PUDP: variants seen among roughly 807,000 people sequenced by gnomAD.
PUDP encodes pseudouridine-5'-phosphatase.
In PUDP, 8 loss-of-function variants were observed where a neutral mutation model predicts 9.4. The observed-to-expected ratio is 0.85, with a 90% CI of 0.50 to 1.53. The LOEUF (loss-of-function observed/expected upper bound fraction) is 1.53, where lower values mean the gene tolerates loss of function less well. Ranked by LOEUF, PUDP falls within the 40% of genes most tolerant of loss-of-function variation. PUDP has a pLI of 0.00. For missense variants in PUDP, 188 were observed against 189.7 expected (o/e 0.99, Z 0.05); for synonymous variants, 99 against 80.7 (o/e 1.23, Z -1.22).
chrX:6,915,207 A>G (rs1325639844), intron 3 of PUDP, among the ~76,000 whole-genome samples: 2 of 112,241 alleles, frequency 1.8e-5, no homozygotes, highest in African/African-American at 3.2e-5. Flanking sequence ...AACTGCCTTT[A>G]TGTGTTTCAC....
intron 3 of PUDP, among the ~76,000 whole-genome samples, chrX:6,822,044 C>T (rs1197360634): frequency 9.0e-6 from 1 of 111,697 alleles, no homozygotes; most frequent in Non-Finnish European, 1.9e-5. Flanking sequence ...CATTTCACCA[C>T]GGAACTGGCA....
intron 3 of PUDP, among the ~76,000 whole-genome samples, chrX:6,905,916 A>G (rs1927759889): frequency 8.9e-6 from 1 of 112,235 alleles, no homozygotes; most frequent in Non-Finnish European, 1.9e-5. Flanking sequence ...ATAATTTGAA[A>G]CAATTTTCAC....
intron 1 of PUDP, among the ~76,000 whole-genome samples, chrX:7,142,115 G>A (rs898757739): frequency 8.9e-6 from 1 of 112,139 alleles, no homozygotes; most frequent in Admixed American, 9.5e-5. Flanking sequence ...GGATTGAGGA[G>A]TAACTTCAAC....
chrX:7,138,582 G>A (rs756947524), intron 1 of PUDP, among the ~76,000 whole-genome samples: 2 of 110,881 alleles, frequency 1.8e-5, no homozygotes, highest in Admixed American at 9.6e-5. Flanking sequence ...CATGTTGGCC[G>A]GGGTGGTCTC....
chrX:7,094,808 G>A lies in PUDP; in HGVS notation c.280+10812C>T, dbSNP rs772547230. ...TTGTTAAACGGAAAAGGAACACAGC[G>A]TAAGTTGAATGTGTTACCATGACTG... is the stretch of plus-strand genomic sequence containing the variant. On this transcript the variant is annotated intron_variant, in intron 2 of 3. Coordinates refer to ENST00000381077, the MANE Select transcript of PUDP (RefSeq NM_012080.5). Among the ~76,000 whole-genome samples, 13 of 112,255 alleles carry A rather than the reference G, an allele frequency of 1.2e-4. No individual in the cohort carries two copies. In the South Asian group the frequency reaches 1.5e-3, roughly 13 times the overall value.
chrX:7,130,574 G>C (rs1284060629), intron 1 of PUDP, among the ~76,000 whole-genome samples: 4 of 111,358 alleles, frequency 3.6e-5, no homozygotes, highest in Non-Finnish European at 5.6e-5. Context: ...AGCACTTTAG[G>C]AGGCCGAGGC....
chrX:6,914,775 A>C (rs1486420394), intron 3 of PUDP, among the ~76,000 whole-genome samples: 2 of 112,616 alleles, frequency 1.8e-5, no homozygotes, highest in Non-Finnish European at 3.7e-5. Flanking sequence ...TATGGTACCG[A>C]AAGAATCAAC....
intron 1 of PUDP, among the ~76,000 whole-genome samples, chrX:7,010,342 A>G: frequency 9.0e-6 from 1 of 111,409 alleles, no homozygotes; most frequent in Non-Finnish European, 1.9e-5. Flanking sequence ...ACTCTCTACC[A>G]TCTTGGCCAC....
chrX:6,900,328 G>A (rs763853764), intron 3 of PUDP, among the ~76,000 whole-genome samples: 1 of 63,126 alleles, frequency 1.6e-5, no homozygotes, highest in Non-Finnish European at 3.7e-5. Flanking sequence ...TCACCACTTG[G>A]GGGGGGGGGC....
At chrX:6,715,899 C>T (rs1308341474) in intron 1 of PUDP, among the ~76,000 whole-genome samples, 1 of 111,302 alleles carries the variant, frequency 9.0e-6, no homozygotes, top group Non-Finnish European at 1.9e-5. Context: ...AGAAGCCAGG[C>T]TGAGCTGCCA....
chrX:7,099,541 C>T (rs1931667500), intron 2 of PUDP, among the ~76,000 whole-genome samples: 1 of 112,386 alleles, frequency 8.9e-6, no homozygotes, highest in South Asian at 3.7e-4. Context: ...CCACTGAGGA[C>T]ATCGTAGGCC....
At chrX:6,881,975 T>TTA (rs752281670) in intron 3 of PUDP, among the ~76,000 whole-genome samples, 1 of 104,485 alleles carries the variant, frequency 9.6e-6, no homozygotes, top group African/African-American at 3.5e-5. Flanking sequence ...TTTTTTTTTT[T>TTA]ACTTTTTTTT....
chrX:6,781,185 TCA>T (rs751439227), intron 3 of PUDP, among the ~76,000 whole-genome samples: 3 of 111,196 alleles, frequency 2.7e-5, no homozygotes, highest in East Asian at 5.7e-4. Context: ...GCAACAGCAA[TCA>T]CATATCACAC....
At chrX:7,034,287 T>C (rs1210423125) in intron 1 of PUDP, among the ~76,000 whole-genome samples, 2 of 111,759 alleles carry the variant, frequency 1.8e-5, no homozygotes, top group Non-Finnish European at 3.8e-5. Flanking sequence ...TAACTTGAAG[T>C]TGAACCATCC....
intron 1 of PUDP, among the ~76,000 whole-genome samples, chrX:7,118,201 T>C (rs897523815): frequency 2.7e-5 from 3 of 112,291 alleles, no homozygotes; most frequent in Non-Finnish European, 5.6e-5. Flanking sequence ...AATTCATGTA[T>C]ATATTTTCTT....
At chrX:6,737,137 G>A (rs911105748) in intron 3 of PUDP, among the ~76,000 whole-genome samples, 1 of 110,938 alleles carries the variant, frequency 9.0e-6, no homozygotes, top group East Asian at 2.9e-4. Flanking sequence ...TTAGATTCAA[G>A]CAAAGGAAGG....
intron 3 of PUDP, among the ~76,000 whole-genome samples, chrX:6,816,070 C>G (rs1215516372): frequency 9.4e-6 from 1 of 106,322 alleles, no homozygotes; most frequent in Admixed American, 1.0e-4. Flanking sequence ...TACATATACA[C>G]TATGCATATA....
Position 7,008,028 on chromosome X carries a change from A to G in PUDP, c.205-29685T>C, listed in dbSNP as rs1163906852. ...GCCCAGGCTGGAGTGCAGTGGCGTG[A>G]TCTTGGCTCACTGCAAGCTCCACTT... On this transcript the variant is annotated intron_variant and NMD_transcript_variant, in intron 1 of 3. Transcript: ENST00000655425. 2.0e-4 allele frequency among the ~76,000 whole-genome samples: 22 copies of G among 109,277 alleles called. No individual in the cohort carries two copies. The Admixed American group carries it at 2.2e-3, about 11-fold the overall frequency. 94.9% of individuals were successfully genotyped at this position (109,277 alleles called of 115,157 possible).
chrX:6,854,890 A>C (rs955266613), intron 3 of PUDP, among the ~76,000 whole-genome samples: 3 of 111,025 alleles, frequency 2.7e-5, no homozygotes, highest in Admixed American at 9.6e-5. Flanking sequence ...AATAAGGTTA[A>C]AGGTTAAAGA....
Sources: allele counts gnomAD v4.1 joint callset (sites outside exome capture counted in the v4.1 genomes callset), GRCh38; gene constraint gnomAD v4.1.1; transcripts MANE v1.5; gene names NCBI Gene and HGNC (gene_info 2026-07-23, HGNC 2026-07-21).